The following CEP295 variants were observed in gnomAD, a reference collection of about 807,000 sequenced individuals.
CEP295 encodes centrosomal protein 295, also known as centrosomal protein of 295 kDa.
In CEP295, 190 loss-of-function variants were observed where a neutral mutation model predicts 291.6. That is an observed-to-expected ratio of 0.65 (90% CI 0.58 to 0.73). CEP295 has a LOEUF of 0.73. CEP295 is among the 30% of genes least tolerant of loss of function. The pLI, the probability that CEP295 is intolerant of heterozygous loss-of-function variation, is 0.00. For missense variants in CEP295, 2,863 were observed against 2,949.4 expected, an observed-to-expected ratio of 0.97 and a Z score of 0.68; for synonymous variants, 993 against 1,038.8, an observed-to-expected ratio of 0.96 and a Z score of 0.85.
At chr11:93,688,105 C>G (rs1474269463) in intron 10 of CEP295, among the ~76,000 whole-genome samples, 1 of 151,842 alleles carries the variant, frequency 6.6e-6, no homozygotes, top group African/African-American at 2.4e-5. Context: ...TTAACCAGTT[C>G]CTTATTGAGA....
chr11:93,673,458 A>G (rs929867553), intron 5 of CEP295, among the ~76,000 whole-genome samples: 2 of 151,756 alleles, frequency 1.3e-5, no homozygotes, highest in Non-Finnish European at 2.9e-5. Context: ...GTAATTCTCA[A>G]CTTTGGCTGT....
chr11:93,712,284 T>TC (rs1952959246), intron 18 of CEP295, among the ~76,000 whole-genome samples: 1 of 152,150 alleles, frequency 6.6e-6, no homozygotes, highest in Non-Finnish European at 1.5e-5. Context: ...TCTCACTCTG[T>TC]CACCCAGGCT....
intron 18 of CEP295, among the ~76,000 whole-genome samples, chr11:93,721,013 C>T (rs566614750): frequency 1.8e-4 from 27 of 152,332 alleles, no homozygotes; most frequent in African/African-American, 6.5e-4. Flanking sequence ...AAGCATTTCT[C>T]ATCACACTGG....
chr11:93,688,430 A>T (rs1444953873), intron 10 of CEP295, among the ~76,000 whole-genome samples: 3 of 152,190 alleles, frequency 2.0e-5, no homozygotes, highest in African/African-American at 7.2e-5. Flanking sequence ...TAAAAATGTG[A>T]TTGGATTTGT....
chr11:93,713,483 T>A (rs1024072232), intron 18 of CEP295, among the ~76,000 whole-genome samples: 2 of 152,236 alleles, frequency 1.3e-5, no homozygotes, highest in Admixed American at 6.5e-5. Flanking sequence ...TAATGTGTCA[T>A]GCCACTCGCT....
Position 93,679,542 on chromosome 11 carries a change from A to T in CEP295, c.755A>T (p.His252Leu). 1.9e-6 allele frequency: 3 copies of T among 1,551,360 alleles called. No homozygotes were observed. Among genetic ancestry groups the T allele is most frequent in the Non-Finnish European group, 2.6e-6 (3 of 1,146,798 alleles). ...GGATTCCAAGCAATGAAGAAGATCC[A>T]TTTGGCTCAAGTAAGACTTATATTC... Reference protein sequence around the residue: ...VRGFQAMKKIHLAQNQEKLMK... With the variant: ...VRGFQAMKKILLAQNQEKLMK... Residue 252 changes from histidine to leucine, a missense_variant, in exon 7 of 30, where the codon CAT (histidine) becomes CTT (leucine). By Grantham distance (99) the His-to-Leu change is moderately conservative. Around this residue, in one of 3 missense-constraint regions of CEP295, gnomAD observed 554 missense variants for 576.0 expected, o/e 0.96. Coordinates refer to ENST00000325212, the MANE Select transcript of CEP295 (RefSeq NM_033395.2).
chr11:93,690,299 C>G (rs4753492), intron 10 of CEP295, among the ~76,000 whole-genome samples: 2 of 151,728 alleles, frequency 1.3e-5, no homozygotes, highest in Non-Finnish European at 2.9e-5. Context: ...GCTCATGCCT[C>G]TAATCCCAAC....
chr11:93,701,582 T>G (rs1952160423), intron 15 of CEP295, among the ~76,000 whole-genome samples: 1 of 151,896 alleles, frequency 6.6e-6, no homozygotes, highest in Non-Finnish European at 1.5e-5. Context: ...GAGGCTAAGT[T>G]TTTTTTTGTT....
At chr11:93,712,934 C>T (rs1281704493) in intron 18 of CEP295, among the ~76,000 whole-genome samples, 24 of 146,618 alleles carry the variant, frequency 1.6e-4, no homozygotes, top group Non-Finnish European at 3.3e-4. Context: ...GTTTTGATTT[C>T]TTGCTTTTTA....
chr11:93,702,822 T>A lies in CEP295; in HGVS notation c.5499T>A (p.Pro1833=). Residue 1833 remains proline, a synonymous_variant, in exon 17 of 30, where the codon CCT becomes CCA. Transcript: ENST00000325212. ...KDLGRRSSKP[P]VAKVKCGLDL... Reference sequence around the variant, plus strand: ...TGGGGAGAAGATCCTCAAAGCCACCTGTAGCAAAAGTCAAATGTGGTTTGG... The same window carrying A: ...TGGGGAGAAGATCCTCAAAGCCACCAGTAGCAAAAGTCAAATGTGGTTTGG... The A allele has an allele frequency of 6.4e-7, 1 of 1,551,942 alleles. No homozygotes were observed. The highest frequency in any genetic ancestry group is 2.4e-5 in the East Asian group (1 of 40,908).
chr11:93,704,706 G>A (rs1952407112), intron 17 of CEP295, among the ~76,000 whole-genome samples: 1 of 152,092 alleles, frequency 6.6e-6, no homozygotes, highest in Non-Finnish European at 1.5e-5. Context: ...TTCTCATGAA[G>A]TCTTGGTCTC....
At chr11:93,716,172 A>G (rs1243198268) in intron 18 of CEP295, among the ~76,000 whole-genome samples, 2 of 152,054 alleles carry the variant, frequency 1.3e-5, no homozygotes, top group East Asian at 1.9e-4. Context: ...TCAACTTCCA[A>G]CTGCTAGAGT....
At chr11:93,662,055 C>G (rs888464625) in intron 1 of CEP295, among the ~76,000 whole-genome samples, 1 of 152,236 alleles carries the variant, frequency 6.6e-6, no homozygotes. Context: ...GCAGCCTCCC[C>G]TGTCGCGGAG....
chr11:93,730,254 C>A lies in CEP295; in HGVS notation c.7791C>A (p.Ala2597=). Residue 2597 remains alanine (A), a synonymous_variant, in exon 30 of 30, where the codon GCC becomes GCA. Coordinates refer to ENST00000325212, the MANE Select transcript of CEP295 (RefSeq NM_033395.2). ...FHKKTLEKLR[A]KNTC ...AGAAAACACTAGAGAAACTTCGAGC[C>A]AAAAATACATGCTGACTTTCTAGAA... 6.5e-7 allele frequency: 1 copy of A among 1,549,612 alleles called. No individual in the cohort carries two copies. Among genetic ancestry groups the A allele is most frequent in the African/African-American group, 1.4e-5 (1 of 73,050 alleles).
At chr11:93,728,108 G>A (rs1179889053) in intron 24 of CEP295, 1 of 156,040 alleles carries the variant, frequency 6.4e-6, no homozygotes, top group Non-Finnish European at 1.4e-5. Flanking sequence ...CTCATATTAA[G>A]CAACTTATAA....
chr11:93,664,891 T>C (rs1950140045), intron 1 of CEP295, among the ~76,000 whole-genome samples: 1 of 152,220 alleles, frequency 6.6e-6, no homozygotes, highest in Non-Finnish European at 1.5e-5. Context: ...AAAATTTTTA[T>C]TAAAAAACCC....
chr11:93,728,684 A>T lies in CEP295; in HGVS notation c.7165A>T (p.Thr2389Ser), dbSNP rs1484590135. The T allele has an allele frequency of 2.6e-6, 4 of 1,531,638 alleles. No homozygotes were observed. The highest frequency in any genetic ancestry group is 3.5e-6 in the Non-Finnish European group (4 of 1,141,174). 94.9% of individuals were successfully genotyped at this position (1,531,638 alleles called of 1,614,324 possible). The change falls in exon 25 of 30, where the codon ACA becomes TCA. Residue 2389 changes from threonine to serine, a missense_variant. Physicochemically the swap from Thr to Ser is moderately conservative, Grantham distance 58. Transcript: ENST00000325212. ...TCCTTTTAATTGTGGTTCACAGGAA[A>T]CAGAAACTGGCCATGGTATAATGGA... Reference protein sequence around the residue: ...SLQSSIPVWETETGHGIMEEP... With the variant: ...SLQSSIPVWESETGHGIMEEP...
intron 17 of CEP295, among the ~76,000 whole-genome samples, chr11:93,705,770 G>A (rs1952473361): frequency 6.6e-6 from 1 of 152,108 alleles, no homozygotes; most frequent in African/African-American, 2.4e-5. Context: ...AAGGCCAATT[G>A]GAGGTTCTCT....
chr11:93,671,799 T>C (rs1397285531), intron 5 of CEP295, among the ~76,000 whole-genome samples: 1 of 152,138 alleles, frequency 6.6e-6, no homozygotes, highest in Non-Finnish European at 1.5e-5. Flanking sequence ...TTGTGTCACA[T>C]ACACAGGATA....
Sources: gnomAD v4.1 joint callset for allele counts (sites outside exome capture counted in the v4.1 genomes callset) on GRCh38, gnomAD v4.1.1 for gene constraint, gnomAD v4.1.1 regional missense constraint, MANE v1.5 for transcripts, NCBI Gene and HGNC (gene_info 2026-07-23, HGNC 2026-07-21) for gene names.